Variants in SLC35D4 observed in about 807,000 individuals in gnomAD.
The protein encoded by SLC35D4 is solute carrier family 35 member D4.
the SLC35D4 span, among the ~76,000 whole-genome samples, chr18:23,406,462 G>C: frequency 6.6e-6 from 1 of 152,166 alleles, no homozygotes; most frequent in African/African-American, 2.4e-5. Context: ...TGCACTAGGA[G>C]CTCTTAAGTA....
At chr18:23,417,455 G>A in the SLC35D4 span, among the ~76,000 whole-genome samples, 1 of 152,014 alleles carries the variant, frequency 6.6e-6, no homozygotes, top group Admixed American at 6.6e-5. Flanking sequence ...ATTTATACAA[G>A]GTACCCAGAA....
chr18:23,423,555 T>C, the SLC35D4 span, among the ~76,000 whole-genome samples: 2 of 152,174 alleles, frequency 1.3e-5, no homozygotes, highest in African/African-American at 4.8e-5. Flanking sequence ...CAACTCAATA[T>C]GTCAGTGGCT....
chr18:23,307,657 G>A, the SLC35D4 span, among the ~76,000 whole-genome samples: 1 of 152,236 alleles, frequency 6.6e-6, no homozygotes, highest in African/African-American at 2.4e-5. Context: ...GGTCACAGCT[G>A]GGTCCTCTCC....
the SLC35D4 span, among the ~76,000 whole-genome samples, chr18:23,376,388 C>G: frequency 1.1e-4 from 17 of 152,212 alleles, no homozygotes; most frequent in African/African-American, 3.6e-4. Flanking sequence ...GAGGGGCCCT[C>G]GGAGCTGAGG....
chr18:23,272,850 G>A, the SLC35D4 span, among the ~76,000 whole-genome samples: 4 of 152,164 alleles, frequency 2.6e-5, no homozygotes, highest in Admixed American at 6.5e-5. Context: ...CTCTTGAAGC[G>A]TTGGACCCTC....
At chr18:23,267,005 G>A in the SLC35D4 span, among the ~76,000 whole-genome samples, 43 of 149,602 alleles carry the variant, frequency 2.9e-4, no homozygotes, top group African/African-American at 1.0e-3. Flanking sequence ...CAGAGCATCC[G>A]ACCAACAGAC....
At chr18:23,255,843 GAGTCAC>G in the SLC35D4 span, among the ~76,000 whole-genome samples, 1 of 152,102 alleles carries the variant, frequency 6.6e-6, no homozygotes, top group African/African-American at 2.4e-5. Flanking sequence ...TTTTAGGCGT[GAGTCAC>G]CATACCCGGC....
At chr18:23,403,945 C>G in the SLC35D4 span, among the ~76,000 whole-genome samples, 1,112 of 152,146 alleles carry the variant, frequency 7.3e-3, 8 homozygotes, top group African/African-American at 0.025. Context: ...TGGTGAAACC[C>G]CATCTCTCCT....
chr18:23,246,847 C>T, the SLC35D4 span, among the ~76,000 whole-genome samples: 1 of 150,254 alleles, frequency 6.7e-6, no homozygotes, highest in East Asian at 1.9e-4. Flanking sequence ...CATGCACCAC[C>T]ACGCCCAGCT....
the SLC35D4 span, chr18:23,259,491 C>G: frequency 6.6e-6 from 1 of 152,170 alleles, no homozygotes; most frequent in African/African-American, 2.4e-5. Flanking sequence ...AGTTAGTGGT[C>G]CATTACTTTT....
At chr18:23,363,748 G>A in the SLC35D4 span, among the ~76,000 whole-genome samples, 1 of 152,176 alleles carries the variant, frequency 6.6e-6, no homozygotes, top group African/African-American at 2.4e-5. Context: ...CTACCTGGCT[G>A]CATAAAGGAA....
chr18:23,239,729 C>T, the SLC35D4 span, among the ~76,000 whole-genome samples: 1 of 152,360 alleles, frequency 6.6e-6, no homozygotes, highest in Admixed American at 6.5e-5. Context: ...CACAACCCCT[C>T]TTCTCCTCCA....
chr18:23,380,559 G>A, the SLC35D4 span, among the ~76,000 whole-genome samples: 1 of 152,162 alleles, frequency 6.6e-6, no homozygotes, highest in Non-Finnish European at 1.5e-5. Context: ...CGAGTGTACA[G>A]GCCAGCCCCT....
chr18:23,288,923 C>A, the SLC35D4 span, among the ~76,000 whole-genome samples: 10 of 152,170 alleles, frequency 6.6e-5, no homozygotes, highest in African/African-American at 1.9e-4. Flanking sequence ...TTAAAAAGGA[C>A]AAGACAATAG....
chr18:23,308,174 C>T, the SLC35D4 span, among the ~76,000 whole-genome samples: 1 of 152,140 alleles, frequency 6.6e-6, no homozygotes, highest in African/African-American at 2.4e-5. Flanking sequence ...ATTTGAAGGC[C>T]TGGGGGATGA....
the SLC35D4 span, among the ~76,000 whole-genome samples, chr18:23,286,018 G>T: frequency 2.6e-5 from 4 of 152,118 alleles, no homozygotes; most frequent in East Asian, 1.9e-4. Context: ...GACCCTAAAA[G>T]GTCAAAAGGC....
At chr18:23,244,207 G>GA in the SLC35D4 span, among the ~76,000 whole-genome samples, 2,154 of 152,300 alleles carry the variant, frequency 0.014, 49 homozygotes, top group East Asian at 0.075. Flanking sequence ...AGTGGATGGA[G>GA]ACACTACTCC....
the SLC35D4 span, among the ~76,000 whole-genome samples, chr18:23,316,642 T>C: frequency 1.4e-5 from 2 of 146,534 alleles, no homozygotes; most frequent in African/African-American, 5.4e-5. Flanking sequence ...CACAATGGGA[T>C]TGAGAACACA....
At chr18:23,422,507 G>A in the SLC35D4 span, among the ~76,000 whole-genome samples, 1 of 152,012 alleles carries the variant, frequency 6.6e-6, no homozygotes, top group Non-Finnish European at 1.5e-5. Flanking sequence ...CAACCCTCCT[G>A]CCTCTGTCTC....
Sources: gnomAD v4.1 joint callset for allele counts (sites outside exome capture counted in the v4.1 genomes callset) on GRCh38, gnomAD v4.1.1 for gene constraint, MANE v1.5 for transcripts, NCBI Gene and HGNC (gene_info 2026-07-23, HGNC 2026-07-21) for gene names.